NHSL1: variants seen among roughly 807,000 people sequenced by gnomAD.
The protein encoded by NHSL1 is NHS like 1.
Under a neutral mutation model 95.0 loss-of-function variants are expected in NHSL1, and 48 were observed. The observed-to-expected ratio is 0.51, with a 90% CI of 0.40 to 0.64. The LOEUF is 0.64. Among genes scored for constraint, NHSL1 ranks in the 30% least tolerant of loss-of-function variants. NHSL1 has a pLI of 0.00. For synonymous variants in NHSL1, 783 were observed against 833.9 expected (o/e 0.94, Z 1.05); for missense variants, 1,971 against 2,077.7 (o/e 0.95, Z 1.00).
chr6:138,476,851 A>G (rs996242933), intron 2 of NHSL1, among the ~76,000 whole-genome samples: 1 of 150,386 alleles, frequency 6.6e-6, no homozygotes, highest in Non-Finnish European at 1.5e-5. Flanking sequence ...AAAATTATCT[A>G]TTGGGTACAA....
chr6:138,429,424 C>T (rs1775477577), intron 7 of NHSL1, among the ~76,000 whole-genome samples: 1 of 152,200 alleles, frequency 6.6e-6, no homozygotes, highest in African/African-American at 2.4e-5. Context: ...TATACTCTGT[C>T]TTATGACTGC....
In NHSL1 at chr6:138,601,576, G is replaced by C. The variant is rs535889835; in HGVS notation, c.96+90900C>G. ...TGCCTGCAATCCCAGCACTCTCGGA[G>C]GCCGAGGCGGGCGGATCACAAGGTC... is the stretch of plus-strand genomic sequence containing the variant. On this transcript the variant is annotated intron_variant, in intron 1 of 3. Transcript: ENST00000491526. 2.3e-4 allele frequency among the ~76,000 whole-genome samples: 35 copies of C among 152,244 alleles called. No homozygotes were observed. In the East Asian group the frequency reaches 6.8e-3, roughly 29 times the overall value.
intron 1 of NHSL1, among the ~76,000 whole-genome samples, chr6:138,506,655 T>C (rs1780977636): frequency 2.6e-5 from 4 of 152,330 alleles, no homozygotes; most frequent in African/African-American, 7.2e-5. Context: ...AATCTTAAAG[T>C]ACAATTTTAA....
intron 1 of NHSL1, among the ~76,000 whole-genome samples, chr6:138,536,149 C>T (rs1782333363): frequency 1.3e-5 from 2 of 152,286 alleles, no homozygotes; most frequent in Admixed American, 1.3e-4. Context: ...AAAGGAATCT[C>T]ATTTATTTTG....
chr6:138,424,151 T>G lies in NHSL1; in HGVS notation c.4751A>C (p.Asp1584Ala). The G allele has an allele frequency of 2.8e-6, 4 of 1,445,258 alleles. No homozygotes were observed. The highest frequency in any genetic ancestry group is 3.6e-6 in the Non-Finnish European group (4 of 1,103,068). The allele number at this position is 1,445,258 out of a possible 1,614,324, so 89.5% of individuals were successfully genotyped here. The change falls in exon 8 of 8, where the codon GAT (aspartate) becomes GCT (alanine). Residue 1584 changes from aspartate to alanine, a missense_variant. This residue lies in a region of NHSL1 where 223 missense variants were observed against 217.0 expected (regional missense o/e 1.03). Transcript: ENST00000343505. The surrounding 1 kb of genome is among the most constrained non-coding windows in gnomAD (Gnocchi z 5.9). ...SLQPQAPGPV[D>A]GTASAEGREP... ...TCTGCCCTCTGCACTGGCTGTCCCA[T>G]CCACAGGGCCGGGGGCCTGGGGCTG...
At position 138,659,979 on chromosome 6, in the gene NHSL1, A is replaced by G. The variant is rs1003807397; in HGVS notation, c.96+32497T>C. Among the ~76,000 whole-genome samples the G allele has an allele frequency of 3.9e-5, 6 of 152,242 alleles. No homozygotes were observed. The East Asian group carries it at 9.7e-4, about 25-fold the overall frequency. On this transcript the variant is annotated intron_variant, in intron 1 of 3. Coordinates refer to the NHSL1 transcript ENST00000491526. ...AATCCACCTGCCTTGGCCTCCCAAC[A>G]TACTGGGATTACAGGCGTGAGCCAC...
At chr6:138,524,489 T>G (rs1781818318) in intron 1 of NHSL1, among the ~76,000 whole-genome samples, 1 of 152,240 alleles carries the variant, frequency 6.6e-6, no homozygotes. Context: ...ATCACACTCT[T>G]CTGTGTTTGT....
upstream of NHSL1, among the ~76,000 whole-genome samples, chr6:138,549,680 A>G (rs1028478633): frequency 2.0e-5 from 3 of 152,224 alleles, no homozygotes; most frequent in African/African-American, 7.2e-5. Flanking sequence ...TAGCAAGGTA[A>G]TAATTACGTG....
At chr6:138,509,366 A>C (rs1386494684) in intron 1 of NHSL1, among the ~76,000 whole-genome samples, 1 of 152,256 alleles carries the variant, frequency 6.6e-6, no homozygotes, top group East Asian at 1.9e-4. Flanking sequence ...AATTGTGATT[A>C]GCTAAGTGCT....
At chr6:138,520,333 G>A (rs192376641) in intron 1 of NHSL1, among the ~76,000 whole-genome samples, 51 of 131,008 alleles carry the variant, frequency 3.9e-4, no homozygotes, top group African/African-American at 1.5e-3. Flanking sequence ...TCTGTCACCA[G>A]GCTGGAGTGC....
intron 1 of NHSL1, among the ~76,000 whole-genome samples, chr6:138,682,139 A>C (rs1417677857): frequency 1.3e-5 from 2 of 152,002 alleles, no homozygotes; most frequent in Admixed American, 6.6e-5. Flanking sequence ...AAGCCTAGTT[A>C]ATTTTTGTAT....
upstream of NHSL1, among the ~76,000 whole-genome samples, chr6:138,499,858 G>T (rs1449453990): frequency 6.6e-6 from 1 of 152,120 alleles, no homozygotes; most frequent in Non-Finnish European, 1.5e-5. Flanking sequence ...CCAAACTATT[G>T]TTTCCCAACC....
chr6:138,555,494 A>T (rs1031719891), intron 1 of NHSL1, among the ~76,000 whole-genome samples: 3 of 152,116 alleles, frequency 2.0e-5, no homozygotes, highest in African/African-American at 7.2e-5. Flanking sequence ...GTCTCTAGGG[A>T]CTTCAGTTCC....
At chr6:138,544,596 G>A (rs181092344) in intron 1 of NHSL1, among the ~76,000 whole-genome samples, 1 of 152,298 alleles carries the variant, frequency 6.6e-6, no homozygotes, top group African/African-American at 2.4e-5. Context: ...AACAGACTTT[G>A]AGGACAAAGG....
At chr6:138,663,883 T>A (rs73568721) in intron 1 of NHSL1, among the ~76,000 whole-genome samples, 20,562 of 151,622 alleles carry the variant, frequency 0.14, 2,230 homozygotes, top group African/African-American at 0.3. Flanking sequence ...AGAAAAAAAA[T>A]CATTCTAGGA....
chr6:138,607,719 G>T (rs565565852), intron 1 of NHSL1, among the ~76,000 whole-genome samples: 78 of 152,282 alleles, frequency 5.1e-4, no homozygotes, highest in African/African-American at 1.8e-3. Context: ...TTTCTTGTCA[G>T]CTTCCTTCCT....
intron 2 of NHSL1, among the ~76,000 whole-genome samples, chr6:138,480,103 C>T (rs144703661): frequency 1.3e-3 from 202 of 152,198 alleles, no homozygotes; most frequent in African/African-American, 4.6e-3. Context: ...TCTTAGATTG[C>T]GTGAGAAAGG....
intron 1 of NHSL1, among the ~76,000 whole-genome samples, chr6:138,567,055 T>C (rs781393113): frequency 1.3e-5 from 2 of 152,088 alleles, no homozygotes; most frequent in Non-Finnish European, 2.9e-5. Context: ...TCAATATTTC[T>C]TAGGTTTTCT....
At chr6:138,593,146 T>C (rs1784255741) in intron 1 of NHSL1, among the ~76,000 whole-genome samples, 1 of 152,184 alleles carries the variant, frequency 6.6e-6, no homozygotes, top group African/African-American at 2.4e-5. Context: ...CCTGAAACTG[T>C]AAAGGATCCG....
Sources: allele counts gnomAD v4.1 joint callset (sites outside exome capture counted in the v4.1 genomes callset), GRCh38; gene constraint gnomAD v4.1.1; regional missense constraint gnomAD v4.1.1; non-coding constraint Gnocchi (gnomAD v3.1); transcripts MANE v1.5; gene names NCBI Gene and HGNC (gene_info 2026-07-23, HGNC 2026-07-21).